ECHS1: variants seen among roughly 807,000 people sequenced by gnomAD.
ECHS1 encodes enoyl-CoA hydratase, short chain 1, also known as enoyl-CoA hydratase, mitochondrial.
ECHS1 carries 19 observed loss-of-function variants against 33.5 expected under a neutral mutation model. The ratio of observed to expected loss-of-function variants is 0.57; its 90% CI spans 0.40 to 0.83. The LOEUF (loss-of-function observed/expected upper bound fraction) is 0.83, where lower values mean the gene tolerates loss of function less well. ECHS1 is among the 40% of genes least tolerant of loss of function. The pLI is 0.00. For synonymous variants in ECHS1, 158 were observed against 146.6 expected (o/e 1.08, Z -0.56); for missense variants, 365 against 381.3 (o/e 0.96, Z 0.36).
At position 133,363,353 on chromosome 10, in the gene ECHS1, GCGCA is replaced by G. The variant is rs747966177; in HGVS notation, c.808-424_808-421del. On this transcript the variant is annotated intron_variant, in intron 7 of 7. Transcript: ENST00000368547. ...CACGTGTGTCCCCAGGTGTGCGCGC[GCGCA>G]CACACACACACACACACACACACAC... is the stretch of plus-strand genomic sequence containing the variant. Among the ~76,000 whole-genome samples, 510 of 130,396 alleles carry G rather than the reference GCGCA, an allele frequency of 3.9e-3. 1 individual carries two copies. Among genetic ancestry groups the G allele is most frequent in the Middle Eastern group, 0.012 (3 of 256 alleles). 85.5% of individuals were successfully genotyped at this position (130,396 alleles called of 152,430 possible).
intron 4 of ECHS1, among the ~76,000 whole-genome samples, chr10:133,368,362 G>A (rs1205633741): frequency 6.7e-6 from 1 of 149,540 alleles, no homozygotes; most frequent in Non-Finnish European, 1.5e-5. Context: ...AACTCAGAGG[G>A]CAGCGAAGGG....
At chr10:133,371,301 A>G (rs529947116) in intron 1 of ECHS1, among the ~76,000 whole-genome samples, 1 of 152,168 alleles carries the variant, frequency 6.6e-6, no homozygotes, top group South Asian at 2.1e-4. Context: ...GAAAAAAAGA[A>G]AAATCCCCAG....
rs371936993 is a variant in ECHS1, at chr10:133,366,901, C to T, written c.607G>A (p.Ala203Thr). 21 of 1,611,202 alleles carry T rather than the reference C, an allele frequency of 1.3e-5. No homozygotes were observed. The highest frequency in any genetic ancestry group is 4.0e-5 in the African/African-American group (3 of 74,932). ...CCCCAACCCATACCTGCTTGCTTGG[C>T]GTCCTGGGCTGAGATCCGGTCACCA... is the stretch of plus-strand genomic sequence containing the variant. ...LTGDRISAQDAKQAGLVSKIC... is the reference protein window; with the variant it reads ...LTGDRISAQDTKQAGLVSKIC... The change falls in exon 5 of 8, where the codon GCC becomes ACC. Residue 203 changes from alanine (A) to threonine (T), a missense_variant. By Grantham distance (58) the Ala-to-Thr change is moderately conservative. Transcript: ENST00000368547.
chr10:133,372,357 G>T (rs1162165312), intron 1 of ECHS1, among the ~76,000 whole-genome samples: 1 of 152,218 alleles, frequency 6.6e-6, no homozygotes, highest in Non-Finnish European at 1.5e-5. Flanking sequence ...TCATGAGTGG[G>T]GCCCCGGGTG....
Position 133,367,068 on chromosome 10 carries a change from A to G in ECHS1, c.515-75T>C, listed in dbSNP as rs907171696. 9 of 1,259,014 alleles carry G rather than the reference A, an allele frequency of 7.1e-6. No individual in the cohort carries two copies. In the African/African-American group the frequency reaches 1.2e-4, roughly 17 times the overall value. The allele number at this position is 1,259,014 out of a possible 1,614,324, so 78.0% of individuals were successfully genotyped here. A position where few individuals can be genotyped will look rare whatever the true frequency, so the allele number is the denominator to read the frequency against. On this transcript the variant is annotated intron_variant, in intron 4 of 7. Coordinates refer to ENST00000368547, the MANE Select transcript of ECHS1 (RefSeq NM_004092.4). ...AAGACATCACAGCTGTGCAGCCAGC[A>G]AATTCCAAGGGGCTTAAGATAGGCC...
rs772540968 is a variant in ECHS1 at position 133,368,901 on chromosome 10, CAG to C, written c.514+20_514+21del. On this transcript the variant is annotated intron_variant, in intron 4 of 7. Coordinates refer to ENST00000368547, the MANE Select transcript of ECHS1 (RefSeq NM_004092.4). The stretch of plus-strand genomic sequence containing the variant: ...GAGTAATTACCTAAGGCATCTATGC[CAG>C]AGACAGTGTCACTCTTTACCTGGGA... The C allele has an allele frequency of 1.2e-6, 2 of 1,607,898 alleles. No homozygotes were observed. Among genetic ancestry groups the C allele is most frequent in the South Asian group, 2.2e-5 (2 of 90,952 alleles).
chr10:133,369,124 G>T (rs1849071484), intron 3 of ECHS1, 102 bp from the exon 4 acceptor site: 1 of 1,092,030 alleles, frequency 9.2e-7, no homozygotes. Context: ...ACAGTGTTGG[G>T]GGTATGACAA....
intron 7 of ECHS1, among the ~76,000 whole-genome samples, chr10:133,363,657 A>G (rs939488817): frequency 2.6e-5 from 4 of 152,006 alleles, no homozygotes; most frequent in Non-Finnish European, 5.9e-5. Flanking sequence ...GGTGGTGGGC[A>G]CCTGTAATCC....
intron 3 of ECHS1, among the ~76,000 whole-genome samples, chr10:133,369,411 T>C (rs10430613): frequency 0.11 from 686 of 6,224 alleles, 202 homozygotes; most frequent in East Asian, 0.55. Flanking sequence ...AGACCCCTGG[T>C]TTACACGGCA....
chr10:133,373,198 T>C (rs1348424309), intron 1 of ECHS1, 48 bp downstream of exon 1: 8 of 1,373,144 alleles, frequency 5.8e-6, no homozygotes, highest in South Asian at 1.6e-5. Flanking sequence ...GGCGTGCAGG[T>C]CGGAGTCAGG....
intron 1 of ECHS1, 57 bp from the exon 2 acceptor site, chr10:133,370,814 G>C: frequency 2.6e-6 from 4 of 1,544,426 alleles, no homozygotes; most frequent in Non-Finnish European, 3.5e-6. Context: ...ACTGGGGAGA[G>C]TGGGGGAAGG....
At position 133,362,537 on chromosome 10, in the gene ECHS1, C is replaced by G. The variant is rs1224602407; in HGVS notation, c.*331G>C. On this transcript the variant is annotated 3_prime_UTR_variant, in exon 8 of 8. Coordinates refer to ENST00000368547, the MANE Select transcript of ECHS1 (RefSeq NM_004092.4). ...GCATCTGTATGAAGGCAGCAGACAG[C>G]GTTTCCCTCAGAGCAGCCCCATTCT... is the stretch of plus-strand genomic sequence containing the variant. 1 of 395,600 alleles carries G rather than the reference C, an allele frequency of 2.5e-6. No individual in the cohort carries two copies. The highest frequency in any genetic ancestry group is 4.0e-5 in the Admixed American group (1 of 24,884). 24.5% of individuals were successfully genotyped at this position (395,600 alleles called of 1,614,324 possible).
chr10:133,363,808 A>G (rs1848997181), intron 7 of ECHS1, among the ~76,000 whole-genome samples: 3 of 152,158 alleles, frequency 2.0e-5, no homozygotes, highest in African/African-American at 7.2e-5. Flanking sequence ...TAAAATTATG[A>G]TGGTAATTAG....
Position 133,370,734 on chromosome 10 carries a change from C to G in ECHS1, c.112G>C (p.Ala38Pro), listed in dbSNP as rs745362960. ...ASGANFEYIIAEKRGKNNTVG... is the reference protein window; with the variant it reads ...ASGANFEYIIPEKRGKNNTVG... Reference sequence around the variant, plus strand: ...GTGTTATTCTTCCCTCTTTTTTCTGCGATGATGTACTCAAAGTTAGCACCT... The same window carrying G: ...GTGTTATTCTTCCCTCTTTTTTCTGGGATGATGTACTCAAAGTTAGCACCT... Residue 38 changes from alanine to proline, a missense_variant, in exon 2 of 8, where the codon GCA (alanine) becomes CCA (proline). Coordinates refer to ENST00000368547, the MANE Select transcript of ECHS1 (RefSeq NM_004092.4). The G allele has an allele frequency of 1.2e-6, 2 of 1,611,036 alleles. No homozygotes were observed. The highest frequency in any genetic ancestry group is 2.2e-5 in the South Asian group (2 of 90,506).
chr10:133,370,971 G>A, intron 1 of ECHS1, among the ~76,000 whole-genome samples: 1 of 152,184 alleles, frequency 6.6e-6, no homozygotes, highest in East Asian at 1.9e-4. Context: ...ACATGTGTTT[G>A]AACATGTCCT....
intron 7 of ECHS1, among the ~76,000 whole-genome samples, chr10:133,363,245 T>C (rs1564802539): frequency 6.6e-6 from 1 of 152,198 alleles, no homozygotes; most frequent in African/African-American, 2.4e-5. Context: ...AACTGGATGA[T>C]GGGTGGCCTG....
At chr10:133,364,782 G>A (rs1849008075) in intron 6 of ECHS1, 57 bp from the exon 7 acceptor site, 1 of 1,430,292 alleles carries the variant, frequency 7.0e-7, no homozygotes, top group Non-Finnish European at 9.9e-7. Context: ...AACTTTTCCT[G>A]CACGGTGACA....
chr10:133,364,529 C>T (rs1008577063), intron 7 of ECHS1, 129 bp downstream of exon 7: 4 of 725,264 alleles, frequency 5.5e-6, no homozygotes, highest in South Asian at 1.7e-5. Flanking sequence ...AATCTGATCC[C>T]GTTAAAGGTG....
Position 133,373,285 on chromosome 10 carries a change from G to A in ECHS1, c.49C>T (p.Pro17Ser). 7 of 1,479,008 alleles carry A rather than the reference G, an allele frequency of 4.7e-6. No individual in the cohort carries two copies. The highest frequency in any genetic ancestry group is 5.4e-6 in the Non-Finnish European group (6 of 1,120,728). 91.6% of individuals were successfully genotyped at this position (1,479,008 alleles called of 1,614,324 possible). A position where few individuals can be genotyped will look rare whatever the true frequency, so the allele number is the denominator to read the frequency against. Reference protein sequence around the residue: ...LLSCVRGPLRPPVRCPAWRPF... With the variant: ...LLSCVRGPLRSPVRCPAWRPF... Reference sequence around the variant, plus strand: ...CGCCAGGCGGGACAGCGAACCGGGGGCCTCAGCGGGCCGCGGACGCAGGAC... The same window carrying A: ...CGCCAGGCGGGACAGCGAACCGGGGACCTCAGCGGGCCGCGGACGCAGGAC... Residue 17 changes from proline (P) to serine (S), a missense_variant, in exon 1 of 8, where the codon CCC becomes TCC. Physicochemically the swap from Pro to Ser is moderately conservative, Grantham distance 74. Transcript: ENST00000368547.
Sources: gnomAD v4.1 joint callset for allele counts (sites outside exome capture counted in the v4.1 genomes callset) on GRCh38, gnomAD v4.1.1 for gene constraint, MANE v1.5 for transcripts, NCBI Gene and HGNC (gene_info 2026-07-23, HGNC 2026-07-21) for gene names.